The following PTPRT variants were observed in gnomAD, a reference collection of about 807,000 sequenced individuals.
PTPRT encodes the protein receptor-type tyrosine-protein phosphatase T.
A neutral mutation model predicts 176.8 loss-of-function variants in PTPRT; 56 were observed. The ratio of observed to expected loss-of-function variants is 0.32; its 90% CI spans 0.26 to 0.40. The LOEUF is 0.40. PTPRT is among the 10% of genes least tolerant of loss of function. PTPRT has a pLI of 1.00. For missense variants in PTPRT, 1,540 were observed against 1,908.2 expected, an observed-to-expected ratio of 0.81 and a Z score of 3.60; for synonymous variants, 783 against 739.0, an observed-to-expected ratio of 1.06 and a Z score of -0.96.
At chr20:42,383,974 T>G (rs1410738796) in intron 9 of PTPRT, among the ~76,000 whole-genome samples, 1 of 152,174 alleles carries the variant, frequency 6.6e-6, no homozygotes, top group Non-Finnish European at 1.5e-5. Flanking sequence ...TCTTTCTAAG[T>G]AGGATATGTG....
intron 1 of PTPRT, among the ~76,000 whole-genome samples, chr20:43,132,474 A>T (rs2146382442): frequency 6.6e-6 from 1 of 152,332 alleles, no homozygotes; most frequent in East Asian, 1.9e-4. Flanking sequence ...AATTCAGTGA[A>T]TATGTTGTTC....
chr20:42,368,484 T>G (rs2058544619), intron 9 of PTPRT, among the ~76,000 whole-genome samples: 1 of 152,092 alleles, frequency 6.6e-6, no homozygotes, highest in Non-Finnish European at 1.5e-5. Context: ...CGTAGCAGGC[T>G]TTCAGAGACA....
Position 42,186,375 on chromosome 20 carries a change from TTCTACCACATTCC to T in PTPRT, c.2491+12852_2491+12864del, listed in dbSNP as rs1990782875. 5.9e-5 allele frequency among the ~76,000 whole-genome samples: 4 copies of T among 67,354 alleles called. No individual in the cohort carries two copies. The South Asian group carries it at 1.8e-3, about 31-fold the overall frequency. 44.2% of individuals were successfully genotyped at this position (67,354 alleles called of 152,430 possible). A position where few individuals can be genotyped will look rare whatever the true frequency, so the allele number is the denominator to read the frequency against. ...CTATGGGCCTCCCATCCCACGCTCC[TTCTACCACATTCC>T]TTCTACCACACTTCCACCCCACATT... On this transcript the variant is annotated intron_variant, in intron 16 of 30. Transcript: ENST00000373187.
intron 2 of PTPRT, among the ~76,000 whole-genome samples, chr20:42,860,239 CTGTTT>C (rs1446030325): frequency 6.6e-6 from 1 of 152,142 alleles, no homozygotes; most frequent in Non-Finnish European, 1.5e-5. Context: ...ACACACCCCT[CTGTTT>C]TAAGGACATA....
At chr20:42,814,016 CAT>C (rs1040098467) in intron 2 of PTPRT, among the ~76,000 whole-genome samples, 1 of 152,034 alleles carries the variant, frequency 6.6e-6, no homozygotes, top group Non-Finnish European at 1.5e-5. Flanking sequence ...ATTACTTAAT[CAT>C]ATGAGAGAAA....
intron 13 of PTPRT, among the ~76,000 whole-genome samples, chr20:42,262,564 A>G (rs1178351856): frequency 6.6e-6 from 1 of 152,242 alleles, no homozygotes; most frequent in East Asian, 1.9e-4. Flanking sequence ...GTGACTCACA[A>G]TTAGCCCAAC....
At chr20:43,058,934 G>C (rs895239696) in intron 1 of PTPRT, among the ~76,000 whole-genome samples, 3 of 152,174 alleles carry the variant, frequency 2.0e-5, no homozygotes, top group African/African-American at 7.2e-5. Flanking sequence ...ACCACCTCGG[G>C]TGACCAATGA....
intron 6 of PTPRT, among the ~76,000 whole-genome samples, chr20:42,722,271 C>T (rs2076315674): frequency 6.6e-6 from 1 of 152,164 alleles, no homozygotes; most frequent in African/African-American, 2.4e-5. Context: ...CTGCTGGTCT[C>T]CAGCAAGATT....
At chr20:42,562,825 C>T (rs1385113445) in intron 7 of PTPRT, among the ~76,000 whole-genome samples, 2 of 152,188 alleles carry the variant, frequency 1.3e-5, no homozygotes, top group East Asian at 3.9e-4. Context: ...GCTTCTAGTG[C>T]TTTGAATATG....
chr20:43,187,954 C>T (rs1317303961), intron 1 of PTPRT, among the ~76,000 whole-genome samples: 1 of 152,226 alleles, frequency 6.6e-6, no homozygotes. Context: ...GAACGGGCGG[C>T]GTTCAGCACT....
rs184713568 is a variant in PTPRT, at chr20:42,115,360, G to A, written c.2983-45C>T. 1.5e-5 allele frequency: 21 copies of A among 1,410,004 alleles called. No individual in the cohort carries two copies. In the East Asian group the frequency reaches 4.6e-4, roughly 31 times the overall value. The allele number at this position is 1,410,004 out of a possible 1,614,324, so 87.3% of individuals were successfully genotyped here. A position where few individuals can be genotyped will look rare whatever the true frequency, so the allele number is the denominator to read the frequency against. ...AGAGACAGAGACAGAACAGAGACAA[G>A]GATGCATAAGCACATGGCTGAGTGT... On this transcript the variant is annotated intron_variant, in intron 21 of 30. Transcript: ENST00000373187.
chr20:42,400,888 G>C (rs1203983497), intron 9 of PTPRT, among the ~76,000 whole-genome samples: 1 of 152,064 alleles, frequency 6.6e-6, no homozygotes, highest in African/African-American at 2.4e-5. Context: ...TAATTCTACA[G>C]TAGGGATAAG....
intron 1 of PTPRT, among the ~76,000 whole-genome samples, chr20:42,897,088 G>C (rs1352977157): frequency 6.6e-6 from 1 of 152,112 alleles, no homozygotes; most frequent in Non-Finnish European, 1.5e-5. Context: ...GTTCCAATTA[G>C]TGTTTGATTT....
chr20:43,134,574 T>A (rs1306691595), intron 1 of PTPRT, among the ~76,000 whole-genome samples: 1 of 152,196 alleles, frequency 6.6e-6, no homozygotes, highest in Non-Finnish European at 1.5e-5. Flanking sequence ...CCATGCTGTA[T>A]TCGGAGTTGA....
chr20:43,089,226 C>G (rs1330768894), intron 1 of PTPRT, among the ~76,000 whole-genome samples: 1 of 152,186 alleles, frequency 6.6e-6, no homozygotes, highest in African/African-American at 2.4e-5. Flanking sequence ...AAACCACCAG[C>G]TAGTACATGC....
At chr20:42,483,280 C>G (rs1291164544) in intron 7 of PTPRT, among the ~76,000 whole-genome samples, 1 of 152,176 alleles carries the variant, frequency 6.6e-6, no homozygotes. Context: ...ATTCGCCTGC[C>G]TCTGCCTCCC....
At chr20:43,080,294 C>T (rs1320902861) in intron 1 of PTPRT, among the ~76,000 whole-genome samples, 1 of 152,214 alleles carries the variant, frequency 6.6e-6, no homozygotes, top group Non-Finnish European at 1.5e-5. Context: ...CAGCCTGGCT[C>T]CTGCAGTGAC....
intron 1 of PTPRT, among the ~76,000 whole-genome samples, chr20:42,984,794 G>A (rs1301978392): frequency 1.3e-5 from 2 of 152,206 alleles, no homozygotes; most frequent in African/African-American, 4.8e-5. Context: ...CATTCTCCTT[G>A]TATGATGCCA....
chr20:42,703,397 G>T (rs879842043), intron 6 of PTPRT, among the ~76,000 whole-genome samples: 2 of 152,014 alleles, frequency 1.3e-5, no homozygotes, highest in Non-Finnish European at 2.9e-5. Context: ...GGAAAGAAAA[G>T]AAAAAAGAGA....
Sources: gnomAD v4.1 joint callset for allele counts (sites outside exome capture counted in the v4.1 genomes callset) on GRCh38, gnomAD v4.1.1 for gene constraint, MANE v1.5 for transcripts, NCBI Gene and HGNC (gene_info 2026-07-23, HGNC 2026-07-21) for gene names.